PRR29: variants seen among roughly 807,000 people sequenced by gnomAD.
PRR29 encodes the protein proline rich 29.
A neutral mutation model predicts 25.1 loss-of-function variants in PRR29; 20 were observed. The ratio of observed to expected loss-of-function variants is 0.80; its 90% CI spans 0.56 to 1.16. The LOEUF (loss-of-function observed/expected upper bound fraction) is 1.16. PRR29 is among the 50% of genes most tolerant of loss of function. The probability of loss-of-function intolerance (pLI) is 0.00; values close to 1 mark genes in which losing one functional copy is unlikely to be tolerated. For missense variants in PRR29, 238 were observed against 246.6 expected (o/e 0.97, Z 0.23); for synonymous variants, 108 against 102.6 (o/e 1.05, Z -0.32).
At chr17:63,999,352 G>T in intron 3 of PRR29, 1 of 524,318 alleles carries the variant, frequency 1.9e-6, no homozygotes, top group Non-Finnish European at 3.4e-6. Flanking sequence ...CAGGAAGGTA[G>T]GCACCCTGGT....
chr17:64,001,227 C>T lies in PRR29; in HGVS notation c.387C>T (p.Pro129=), dbSNP rs1232924253. The T allele has an allele frequency of 6.5e-7, 1 of 1,537,456 alleles. No homozygotes were observed. Among genetic ancestry groups the T allele is most frequent in the East Asian group, 2.4e-5 (1 of 40,916 alleles). Reference sequence around the variant, plus strand: ...GTGCCCTGCTGCCCTGGCCAGCCCCCTTCTTCCCCACCCCTGCTTGTCAGC... The same window carrying T: ...GTGCCCTGCTGCCCTGGCCAGCCCCTTTCTTCCCCACCCCTGCTTGTCAGC... The part of the protein sequence containing the change: ...SPGALLPWPA[P]FFPTPACQPY... The change falls in exon 4 of 6, where the codon CCC becomes CCT. Residue 129 remains proline (P), a synonymous_variant. Coordinates refer to ENST00000412177, the MANE Select transcript of PRR29 (RefSeq NM_001164257.2).
Position 64,004,170 on chromosome 17 carries a change from G to A in PRR29, c.*2409G>A. On this transcript the variant is annotated 3_prime_UTR_variant, in exon 6 of 6. Coordinates refer to ENST00000412177, the MANE Select transcript of PRR29 (RefSeq NM_001164257.2). ...AGTTTTACAGACATGATGGTTTCCG[G>A]TGACCAGGTGTCTACAAGGACAAGG... 1.8e-6 allele frequency: 1 copy of A among 558,174 alleles called. No individual in the cohort carries two copies. Among genetic ancestry groups the A allele is most frequent in the South Asian group, 2.5e-5 (1 of 40,462 alleles). The allele number at this position is 558,174 out of a possible 1,614,324, so 34.6% of individuals were successfully genotyped here.
intron 3 of PRR29, chr17:63,999,346 A>G (rs1272611131): frequency 3.7e-6 from 2 of 535,656 alleles, no homozygotes; most frequent in Non-Finnish European, 6.7e-6. Context: ...AGGCTCCAGG[A>G]AGGTAGGCAC....
At position 64,002,276 on chromosome 17, in the gene PRR29, C is replaced by A; in HGVS notation, c.*515C>A. On this transcript the variant is annotated 3_prime_UTR_variant, in exon 6 of 6. Transcript: ENST00000412177. ...AGCAGAGTCAGTTCGCTGGGCCCCC[C>A]ACCCCTCATCCCAGGAAGCAGCTCT... 2.0e-6 allele frequency: 1 copy of A among 506,944 alleles called. No homozygotes were observed. Among genetic ancestry groups the A allele is most frequent in the African/African-American group, 1.9e-5 (1 of 52,246 alleles). 31.4% of individuals were successfully genotyped at this position (506,944 alleles called of 1,614,324 possible). A position where few individuals can be genotyped will look rare whatever the true frequency, so the allele number is the denominator to read the frequency against.
intron 3 of PRR29, chr17:63,999,858 G>A (rs1055390248): frequency 4.2e-5 from 6 of 141,610 alleles, no homozygotes; most frequent in African/African-American, 1.5e-4. Context: ...GTGAAGGCAA[G>A]TGTGTGCGTG....
chr17:64,002,280 C>A lies in PRR29; in HGVS notation c.*519C>A. On this transcript the variant is annotated 3_prime_UTR_variant, in exon 6 of 6. Transcript: ENST00000412177. The stretch of plus-strand genomic sequence containing the variant: ...GAGTCAGTTCGCTGGGCCCCCCACC[C>A]CTCATCCCAGGAAGCAGCTCTGTTG... 2 of 503,192 alleles carry A rather than the reference C, an allele frequency of 4.0e-6. No individual in the cohort carries two copies. Among genetic ancestry groups the A allele is most frequent in the Non-Finnish European group, 7.2e-6 (2 of 278,202 alleles). 31.2% of individuals were successfully genotyped at this position (503,192 alleles called of 1,614,324 possible).
In PRR29 at chr17:64,001,089, C is replaced by T; in HGVS notation, c.249C>T (p.Tyr83=). 1 of 1,537,292 alleles carries T rather than the reference C, an allele frequency of 6.5e-7. No individual in the cohort carries two copies. Among genetic ancestry groups the T allele is most frequent in the Non-Finnish European group, 8.7e-7 (1 of 1,146,858 alleles). The stretch of plus-strand genomic sequence containing the variant: ...CTGTTTTGCACAATCCCCAGGTCTA[C>T]CTGGAGGTTCCACAGGAAGAGCCTG... ...PRPASPCPQV[Y]LEVPQEEPEE... The change falls in exon 4 of 6, where the codon TAC becomes TAT. Residue 83 remains tyrosine, a synonymous_variant. Transcript: ENST00000412177.
rs1910813130 is a variant in PRR29, at chr17:64,002,114, G to T, written c.*353G>T. Reference sequence around the variant, plus strand: ...CTCACCCCTCTCTCTGGGATGATGAGGTCTCCTTCCAGCCTAGTAATGGAG... The same window carrying T: ...CTCACCCCTCTCTCTGGGATGATGATGTCTCCTTCCAGCCTAGTAATGGAG... On this transcript the variant is annotated 3_prime_UTR_variant, in exon 6 of 6. Coordinates refer to ENST00000412177, the MANE Select transcript of PRR29 (RefSeq NM_001164257.2). 5 of 1,016,518 alleles carry T rather than the reference G, an allele frequency of 4.9e-6. No individual in the cohort carries two copies. The highest frequency in any genetic ancestry group is 2.6e-5 in the Admixed American group (1 of 38,374). The allele number at this position is 1,016,518 out of a possible 1,614,324, so 63.0% of individuals were successfully genotyped here.
rs1911049565 is a variant in PRR29, at chr17:64,004,268, T to C, written c.*2507T>C. ...TCTCCTCTCCTTCAGAAATGAAATA[T>C]AAATTTCAAACATTAAACAGTTGGG... is the stretch of plus-strand genomic sequence containing the variant. On this transcript the variant is annotated 3_prime_UTR_variant, in exon 6 of 6. Transcript: ENST00000412177. 1 of 367,010 alleles carries C rather than the reference T, an allele frequency of 2.7e-6. No homozygotes were observed. 22.7% of individuals were successfully genotyped at this position (367,010 alleles called of 1,614,324 possible).
rs1475210781 is a variant in PRR29, at chr17:64,003,979, G to A, written c.*2218G>A. 6.3e-7 allele frequency: 1 copy of A among 1,591,878 alleles called. No individual in the cohort carries two copies. The highest frequency in any genetic ancestry group is 8.6e-7 in the Non-Finnish European group (1 of 1,168,606). ...CCTTGGAGGCTCTGCAGGGGACAAA[G>A]GAGGGAGGTCTGGTCAGGATGGGGG... On this transcript the variant is annotated 3_prime_UTR_variant, in exon 6 of 6. Coordinates refer to ENST00000412177, the MANE Select transcript of PRR29 (RefSeq NM_001164257.2).
In PRR29 at chr17:64,003,248, C is replaced by A; in HGVS notation, c.*1487C>A. 1 of 432,736 alleles carries A rather than the reference C, an allele frequency of 2.3e-6. No individual in the cohort carries two copies. Among genetic ancestry groups the A allele is most frequent in the East Asian group, 4.3e-5 (1 of 23,060 alleles). 26.8% of individuals were successfully genotyped at this position (432,736 alleles called of 1,614,324 possible). ...GGAGGGTGGCATGGTCCCAGCCAAG[C>A]CCCTTCTTGGGCAGAGCTGAGTGAA... On this transcript the variant is annotated 3_prime_UTR_variant, in exon 6 of 6. Transcript: ENST00000412177.
At position 64,003,362 on chromosome 17, in the gene PRR29, T is replaced by G; in HGVS notation, c.*1601T>G. 2.0e-6 allele frequency: 1 copy of G among 493,790 alleles called. No homozygotes were observed. Among genetic ancestry groups the G allele is most frequent in the South Asian group, 2.3e-5 (1 of 43,154 alleles). 30.6% of individuals were successfully genotyped at this position (493,790 alleles called of 1,614,324 possible). A position where few individuals can be genotyped will look rare whatever the true frequency, so the allele number is the denominator to read the frequency against. On this transcript the variant is annotated 3_prime_UTR_variant, in exon 6 of 6. Transcript: ENST00000412177. ...CTCAGTGGGGGCAGTCAGGCCAAAC[T>G]TCTCATTGTGGAGGGGAGCCAAGGC... is the stretch of plus-strand genomic sequence containing the variant.
chr17:64,000,621 G>A (rs570656919), intron 3 of PRR29, among the ~76,000 whole-genome samples: 2 of 150,380 alleles, frequency 1.3e-5, no homozygotes, highest in Non-Finnish European at 3.0e-5. Flanking sequence ...GAGCCACCGC[G>A]CCCCGCCTAC....
In PRR29 at chr17:64,001,117, G is replaced by A. The variant is rs1378938906; in HGVS notation, c.277G>A (p.Glu93Lys). 6.5e-7 allele frequency: 1 copy of A among 1,537,204 alleles called. No homozygotes were observed. Among genetic ancestry groups the A allele is most frequent in the Non-Finnish European group, 8.7e-7 (1 of 1,146,838 alleles). The change falls in exon 4 of 6, where the codon GAG (glutamate) becomes AAG (lysine). Residue 93 changes from glutamate (E) to lysine (K), a missense_variant. Glu to Lys is a moderately conservative substitution (Grantham distance 56). Coordinates refer to ENST00000412177, the MANE Select transcript of PRR29 (RefSeq NM_001164257.2). ...YLEVPQEEPE[E>K]EEEEMDVREK... is the part of the protein sequence containing the mutation. ...GGAGGTTCCACAGGAAGAGCCTGAGGAGGAGGAGGAGGAGATGGACGTGCG... is the reference window on the plus strand; with the variant it reads ...GGAGGTTCCACAGGAAGAGCCTGAGAAGGAGGAGGAGGAGATGGACGTGCG...
Position 63,998,432 on chromosome 17 carries a change from C to A in PRR29, c.60+8C>A. The A allele has an allele frequency of 6.8e-7, 1 of 1,480,406 alleles. No homozygotes were observed. The highest frequency in any genetic ancestry group is 8.9e-7 in the Non-Finnish European group (1 of 1,118,064). The allele number at this position is 1,480,406 out of a possible 1,614,324, so 91.7% of individuals were successfully genotyped here. A position where few individuals can be genotyped will look rare whatever the true frequency, so the allele number is the denominator to read the frequency against. The stretch of plus-strand genomic sequence containing the variant: ...CAGAGCGCAGTCCCGACGGTGAGGG[C>A]TGAGCCCGGGAGCAGATCCTGCCTT... On this transcript the variant is annotated splice_region_variant and intron_variant, in intron 1 of 5. Transcript: ENST00000412177.
Position 64,003,059 on chromosome 17 carries a change from G to A in PRR29, c.*1298G>A, listed in dbSNP as rs1457701285. On this transcript the variant is annotated 3_prime_UTR_variant, in exon 6 of 6. Coordinates refer to ENST00000412177, the MANE Select transcript of PRR29 (RefSeq NM_001164257.2). ...GCTCATGCATCCAGCAGTCACCCCA[G>A]TTGCAGAGATGAGTGGTGAATGGTG... 4.4e-6 allele frequency: 3 copies of A among 685,802 alleles called. No individual in the cohort carries two copies. The highest frequency in any genetic ancestry group is 3.8e-5 in the South Asian group (2 of 52,680). 42.5% of individuals were successfully genotyped at this position (685,802 alleles called of 1,614,324 possible). A position where few individuals can be genotyped will look rare whatever the true frequency, so the allele number is the denominator to read the frequency against.
rs1446710838 is a variant in PRR29 at position 63,999,062 on chromosome 17, G to C, written c.231G>C (p.Ser77=). Residue 77 remains serine, a synonymous_variant, in exon 3 of 6, where the codon TCG becomes TCC. Coordinates refer to ENST00000412177, the MANE Select transcript of PRR29 (RefSeq NM_001164257.2). ...VAGALQPRPA[S]PCPQVYLEVP... ...GAGCGCTGCAGCCCCGGCCTGCCTC[G>C]CCCTGCCCTCAGGTGCGTGTGGGTG... is the stretch of plus-strand genomic sequence containing the variant. 33 of 1,535,624 alleles carry C rather than the reference G, an allele frequency of 2.1e-5. No homozygotes were observed. The highest frequency in any genetic ancestry group is 2.8e-5 in the Non-Finnish European group (32 of 1,146,686).
chr17:63,998,895 C>G (rs1294882598), intron 2 of PRR29, 73 bp from the exon 3 acceptor site: 3 of 1,417,398 alleles, frequency 2.1e-6, no homozygotes, highest in Admixed American at 4.0e-5. Flanking sequence ...CCATTCTTCA[C>G]CCCCGGGACA....
rs1202466272 is a variant in PRR29 at position 64,002,021 on chromosome 17, G to A, written c.*260G>A. On this transcript the variant is annotated 3_prime_UTR_variant, in exon 6 of 6. Coordinates refer to ENST00000412177, the MANE Select transcript of PRR29 (RefSeq NM_001164257.2). ...CAGGCCCTTGAAGCCACGTCAGCCC[G>A]CCTCTGCCCCACTGCTTCCTGCCTG... 7 of 1,523,312 alleles carry A rather than the reference G, an allele frequency of 4.6e-6. No individual in the cohort carries two copies. The highest frequency in any genetic ancestry group is 2.4e-5 in the South Asian group (2 of 83,350). 94.4% of individuals were successfully genotyped at this position (1,523,312 alleles called of 1,614,324 possible).
Sources: gnomAD v4.1 joint callset for allele counts (sites outside exome capture counted in the v4.1 genomes callset) on GRCh38, gnomAD v4.1.1 for gene constraint, MANE v1.5 for transcripts, NCBI Gene and HGNC (gene_info 2026-07-23, HGNC 2026-07-21) for gene names.